The following CORO7 variants were observed in gnomAD, a reference collection of about 807,000 sequenced individuals.
The protein encoded by CORO7 is coronin-7.
CORO7 carries 107 observed loss-of-function variants against 126.6 expected under a neutral mutation model. That is an observed-to-expected ratio of 0.85 (90% CI 0.72 to 0.99). The LOEUF is 0.99. Ranked by LOEUF, CORO7 falls within the 50% of genes least tolerant of loss-of-function variation. The pLI is 0.00. For synonymous variants in CORO7, 603 were observed against 536.8 expected (o/e 1.12, Z -1.70); for missense variants, 1,314 against 1,255.8 (o/e 1.05, Z -0.70).
intron 9 of CORO7, among the ~76,000 whole-genome samples, chr16:4,377,275 C>G (rs1055053457): frequency 1.3e-5 from 2 of 149,648 alleles, no homozygotes; most frequent in Non-Finnish European, 1.5e-5. Flanking sequence ...CCTCCTGCAC[C>G]AGGCAGAGGA....
chr16:4,386,761 C>T (rs1212606283), intron 9 of CORO7, among the ~76,000 whole-genome samples: 1 of 152,182 alleles, frequency 6.6e-6, no homozygotes, highest in East Asian at 1.9e-4. Flanking sequence ...CTTCTCAGCC[C>T]CTCCCTGGGT....
At chr16:4,384,190 G>A (rs1036738137) in intron 9 of CORO7, among the ~76,000 whole-genome samples, 1 of 152,242 alleles carries the variant, frequency 6.6e-6, no homozygotes, top group Non-Finnish European at 1.5e-5. Flanking sequence ...GGAACAAAGG[G>A]CCCAGGTTGG....
chr16:4,362,336 G>GAT lies in CORO7; in HGVS notation c.1403-178_1403-177dup, dbSNP rs1232658607. Among the ~76,000 whole-genome samples, 1 of 152,186 alleles carries GAT rather than the reference G, an allele frequency of 6.6e-6. No individual in the cohort carries two copies. Among genetic ancestry groups the GAT allele is most frequent in the Non-Finnish European group, 1.5e-5 (1 of 68,038 alleles). On this transcript the variant is annotated intron_variant, in intron 15 of 27. Coordinates refer to ENST00000251166, the MANE Select transcript of CORO7 (RefSeq NM_024535.5). The surrounding 1 kb of genome is among the most constrained non-coding windows in gnomAD (Gnocchi z 5.3). ...CTCGCCCAGGAATAATGTCTGGAAT[G>GAT]ATATACCCTGTTCCATGGTGGCTCG... is the stretch of plus-strand genomic sequence containing the variant.
Position 4,359,484 on chromosome 16 carries a change from C to T in CORO7, c.2246G>A (p.Gly749Asp). The change falls in exon 22 of 28, where the codon GGC becomes GAC. Residue 749 changes from glycine (G) to aspartate (D), a missense_variant. Physicochemically the swap from Gly to Asp is moderately conservative, Grantham distance 94. Transcript: ENST00000251166. ...DPDTGLVLLT[G>D]KGDTRVFLYE... ...CCGCCCTCCAGCCCAGCCCACCTTGCCGGTCAGGAGCACCAGGCCAGTGTC... is the reference window on the plus strand; with the variant it reads ...CCGCCCTCCAGCCCAGCCCACCTTGTCGGTCAGGAGCACCAGGCCAGTGTC... 1 of 1,613,504 alleles carries T rather than the reference C, an allele frequency of 6.2e-7. No homozygotes were observed.
At chr16:4,406,978 C>T (rs1279647847) in intron 5 of CORO7, among the ~76,000 whole-genome samples, 1 of 146,526 alleles carries the variant, frequency 6.8e-6, no homozygotes, top group Non-Finnish European at 1.5e-5. Context: ...GACGGCATCT[C>T]ACTCTGTCAC....
intron 6 of CORO7, among the ~76,000 whole-genome samples, chr16:4,402,850 C>T (rs1312709847): frequency 2.6e-5 from 4 of 152,212 alleles, no homozygotes; most frequent in South Asian, 2.1e-4. Flanking sequence ...CGCCCCCTAG[C>T]GGCCTCCTGC....
intron 9 of CORO7, among the ~76,000 whole-genome samples, chr16:4,380,693 G>GCCCC (rs2054924773): frequency 1.3e-5 from 2 of 152,250 alleles, no homozygotes; most frequent in Non-Finnish European, 2.9e-5. Flanking sequence ...CACAGTGAGG[G>GCCCC]AGTGACGGGG....
At position 4,408,260 on chromosome 16, in the gene CORO7, G is replaced by A. The variant is rs2056082378; in HGVS notation, c.233-9C>T. ...CAAGTCGGTGACTAGGTCTGTGGGA[G>A]AGGAATGGCTGAACCCACCGGAATG... On this transcript the variant is annotated splice_polypyrimidine_tract_variant and intron_variant, in intron 3 of 27. Transcript: ENST00000251166. 4.3e-6 allele frequency: 7 copies of A among 1,614,102 alleles called. No individual in the cohort carries two copies. In the East Asian group the frequency reaches 1.6e-4, roughly 36 times the overall value.
chr16:4,364,586 C>T lies in CORO7; in HGVS notation c.1137+11G>A, dbSNP rs1282339484. 1 of 1,552,194 alleles carries T rather than the reference C, an allele frequency of 6.4e-7. No individual in the cohort carries two copies. The highest frequency in any genetic ancestry group is 8.7e-7 in the Non-Finnish European group (1 of 1,148,658). ...GGGAGGCTGGGAGAGGTGAGCCAGCCCTGGTCCTACCTGCTGGTTGTCCCC... is the reference window on the plus strand; with the variant it reads ...GGGAGGCTGGGAGAGGTGAGCCAGCTCTGGTCCTACCTGCTGGTTGTCCCC... On this transcript the variant is annotated intron_variant, in intron 13 of 27. Coordinates refer to ENST00000251166, the MANE Select transcript of CORO7 (RefSeq NM_024535.5).
rs746715850 is a variant in CORO7 at position 4,361,040 on chromosome 16, G to A, written c.1820C>T (p.Ala607Val). 5.6e-6 allele frequency: 9 copies of A among 1,613,376 alleles called. No homozygotes were observed. The highest frequency in any genetic ancestry group is 7.6e-6 in the Non-Finnish European group (9 of 1,180,012). ...ICSLRFHPLA[A>V]NVLASSSYDL... is the part of the protein sequence containing the mutation. ...ATAGGAGGACGAGGCCAGCACATTG[G>A]CTGCCAGTGGGTGGAAGCGCAGGGA... The change falls in exon 19 of 28, where the codon GCC (alanine) becomes GTC (valine). Residue 607 changes from alanine to valine, a missense_variant. By Grantham distance (64) the Ala-to-Val change is moderately conservative. Transcript: ENST00000251166.
chr16:4,373,542 C>G (rs1375370304), intron 9 of CORO7, among the ~76,000 whole-genome samples: 1 of 152,124 alleles, frequency 6.6e-6, no homozygotes, highest in Admixed American at 6.5e-5. Context: ...CTGCCCAGAC[C>G]TGTGCTTACC....
intron 9 of CORO7, chr16:4,381,032 C>T (rs757867129): frequency 1.9e-6 from 3 of 1,610,432 alleles, no homozygotes; most frequent in Non-Finnish European, 2.5e-6. Context: ...GACGTGCCAC[C>T]CGACACGGTG....
intron 21 of CORO7, 133 bp downstream of exon 21, chr16:4,360,145 A>G: frequency 8.8e-7 from 1 of 1,137,342 alleles, no homozygotes; most frequent in Non-Finnish European, 1.3e-6. Context: ...TCATCCAATC[A>G]TCTACCCACC....
intron 1 of CORO7, chr16:4,415,822 C>T: frequency 1.0e-6 from 1 of 985,666 alleles, no homozygotes; most frequent in East Asian, 1.1e-4. Flanking sequence ...GCACCTGGCT[C>T]AGCAATTCTT....
rs977365379 is a variant in CORO7, at chr16:4,389,798, C to T, written c.616-1167G>A. Reference sequence around the variant, plus strand: ...AGTGTCATTCAGGCTCCTGCCCTCTCGTTGGTGTTTGTTGTGCAAATATCT... The same window carrying T: ...AGTGTCATTCAGGCTCCTGCCCTCTTGTTGGTGTTTGTTGTGCAAATATCT... On this transcript the variant is annotated intron_variant, in intron 7 of 27. Transcript: ENST00000251166. 2.6e-5 allele frequency among the ~76,000 whole-genome samples: 4 copies of T among 152,246 alleles called. No homozygotes were observed. The East Asian group carries it at 5.8e-4, about 22-fold the overall frequency.
intron 7 of CORO7, among the ~76,000 whole-genome samples, chr16:4,392,193 C>T (rs1312336447): frequency 6.6e-6 from 1 of 152,186 alleles, no homozygotes; most frequent in African/African-American, 2.4e-5. Context: ...GGGGCTGCCA[C>T]TTTCCCAGAA....
At chr16:4,392,699 C>A (rs2055436722) in intron 7 of CORO7, among the ~76,000 whole-genome samples, 2 of 152,364 alleles carry the variant, frequency 1.3e-5, no homozygotes, top group African/African-American at 4.8e-5. Flanking sequence ...AAGGCCTCTC[C>A]CTCGAGCCGG....
intron 9 of CORO7, among the ~76,000 whole-genome samples, chr16:4,373,624 G>C (rs886460194): frequency 6.6e-6 from 1 of 152,186 alleles, no homozygotes; most frequent in Non-Finnish European, 1.5e-5. Flanking sequence ...GGCAGGAGAT[G>C]GGTCCGCGGC....
chr16:4,365,229 A>G lies in CORO7; in HGVS notation c.841-169T>C, dbSNP rs369281087. On this transcript the variant is annotated intron_variant, in intron 10 of 27. Transcript: ENST00000251166. ...CGCTGAGCTGAGCCCTAGGCTGACT[A>G]CCTCACTTGCTCAGCCTCGTTGCAC... Among the ~76,000 whole-genome samples the G allele has an allele frequency of 1.1e-4, 16 of 152,042 alleles. No individual in the cohort carries two copies. In the East Asian group the frequency reaches 2.3e-3, roughly 22 times the overall value.
Sources: gnomAD v4.1 joint callset for allele counts (sites outside exome capture counted in the v4.1 genomes callset) on GRCh38, gnomAD v4.1.1 for gene constraint, Gnocchi (gnomAD v3.1) non-coding constraint, MANE v1.5 for transcripts, NCBI Gene and HGNC (gene_info 2026-07-23, HGNC 2026-07-21) for gene names.